PXDNL: variants seen among roughly 807,000 people sequenced by gnomAD.
PXDNL encodes peroxidasin like, also known as probable oxidoreductase PXDNL.
Under a neutral mutation model 150.8 loss-of-function variants are expected in PXDNL, and 145 were observed. The ratio of observed to expected loss-of-function variants is 0.96; its 90% confidence interval spans 0.84 to 1.10. The LOEUF is 1.10. Ranked by LOEUF, PXDNL falls within the 50% of genes least tolerant of loss-of-function variation. The pLI is 0.00. For synonymous variants in PXDNL, 757 were observed against 725.7 expected, an observed-to-expected ratio of 1.04 and a Z score of -0.69; for missense variants, 2,087 against 1,873.9, an observed-to-expected ratio of 1.11 and a Z score of -2.10.
At chr8:51,674,087 A>G (rs957759454) in intron 1 of PXDNL, among the ~76,000 whole-genome samples, 1 of 152,166 alleles carries the variant, frequency 6.6e-6, no homozygotes, top group Non-Finnish European at 1.5e-5. Context: ...ATGCCTTTTC[A>G]TCTCTTTAAT....
At chr8:51,575,974 A>G (rs1813042922) in intron 3 of PXDNL, among the ~76,000 whole-genome samples, 1 of 152,002 alleles carries the variant, frequency 6.6e-6, no homozygotes, top group Admixed American at 6.6e-5. Flanking sequence ...AAGAAGACAT[A>G]GAAATCTTAA....
rs1807248892 is a variant in PXDNL at position 51,374,746 on chromosome 8, G to A, written c.3558-15C>T. ...AGCCGTACAACCTGGAACAGAGACA[G>A]GCAGACAGCGCACACCTGAGACTGA... On this transcript the variant is annotated splice_polypyrimidine_tract_variant and intron_variant, in intron 17 of 22. Coordinates refer to ENST00000356297, the MANE Select transcript of PXDNL (RefSeq NM_144651.5). 1.2e-6 allele frequency: 2 copies of A among 1,613,106 alleles called. No individual in the cohort carries two copies. Among genetic ancestry groups the A allele is most frequent in the East Asian group, 2.2e-5 (1 of 44,852 alleles).
chr8:51,565,526 G>C (rs781646709), intron 3 of PXDNL, among the ~76,000 whole-genome samples: 1 of 151,230 alleles, frequency 6.6e-6, no homozygotes, highest in Non-Finnish European at 1.5e-5. Context: ...ATAATATGTC[G>C]TTTTTTACTA....
chr8:51,400,553 T>A (rs1301855072), intron 17 of PXDNL, among the ~76,000 whole-genome samples: 1 of 152,206 alleles, frequency 6.6e-6, no homozygotes, highest in Non-Finnish European at 1.5e-5. Flanking sequence ...GCTAGACAAA[T>A]AGAGCTGCAC....
At chr8:51,481,202 A>G (rs1810596827) in intron 6 of PXDNL, among the ~76,000 whole-genome samples, 1 of 152,200 alleles carries the variant, frequency 6.6e-6, no homozygotes, top group African/African-American at 2.4e-5. Context: ...AGTGACATGG[A>G]CAATAAAATT....
rs375596134 is a variant in PXDNL at position 51,409,511 on chromosome 8, T to G, written c.2113A>C (p.Asn705His). Residue 705 changes from asparagine (N) to histidine (H), a missense_variant, in exon 17 of 23, where the codon AAT (asparagine) becomes CAT (histidine). Asn to His is a moderately conservative substitution (Grantham distance 68). Coordinates refer to ENST00000356297, the MANE Select transcript of PXDNL (RefSeq NM_144651.5). ...VSPRSLSLIA[N>H]LSGCTARRPL... ...CTGCGAGCTGTGCATCCAGATAAAT[T>G]GGCGATGAGGCTGAGGGAGCGCGGG... The G allele has an allele frequency of 1.1e-5, 17 of 1,610,186 alleles. No homozygotes were observed. Among genetic ancestry groups the G allele is most frequent in the Non-Finnish European group, 1.4e-5 (16 of 1,178,810 alleles).
intron 1 of PXDNL, among the ~76,000 whole-genome samples, chr8:51,696,647 CCACACACATCCA>C (rs1816133490): frequency 1.2e-4 from 1 of 8,120 alleles, no homozygotes; most frequent in East Asian, 6.7e-3. Context: ...ATACGCACAT[CCACACACATCCA>C]CACACAGGTC....
At position 51,578,252 on chromosome 8, in the gene PXDNL, T is replaced by A. The variant is rs190382938; in HGVS notation, c.308+14375A>T. On this transcript the variant is annotated intron_variant, in intron 3 of 22. Transcript: ENST00000356297. Reference sequence around the variant, plus strand: ...TCAAAGAATCTACTCCCCAAAATAATCTTAGAATTTAAAAAGTGAGATCAG... The same window carrying A: ...TCAAAGAATCTACTCCCCAAAATAAACTTAGAATTTAAAAAGTGAGATCAG... Among the ~76,000 whole-genome samples the A allele has an allele frequency of 3.9e-3, 593 of 151,864 alleles. 3 individuals are homozygous for A. The highest frequency in any genetic ancestry group is 6.9e-3 in the Non-Finnish European group (468 of 67,822).
intron 1 of PXDNL, among the ~76,000 whole-genome samples, chr8:51,688,945 A>C (rs1815932000): frequency 6.6e-6 from 1 of 152,210 alleles, no homozygotes; most frequent in Non-Finnish European, 1.5e-5. Context: ...CTTGCTTTAC[A>C]TTGCTGTAAA....
intron 19 of PXDNL, among the ~76,000 whole-genome samples, chr8:51,361,024 G>A (rs545499114): frequency 1.7e-3 from 264 of 152,256 alleles, no homozygotes; most frequent in African/African-American, 5.9e-3. Flanking sequence ...AACTTCCTCC[G>A]ATGCCCAGAA....
chr8:51,323,691 A>T (rs1805392983), intron 21 of PXDNL, among the ~76,000 whole-genome samples: 1 of 152,002 alleles, frequency 6.6e-6, no homozygotes, highest in Non-Finnish European at 1.5e-5. Flanking sequence ...AGGCAGGGGG[A>T]TCACCTGAGG....
intron 1 of PXDNL, among the ~76,000 whole-genome samples, chr8:51,697,387 T>G (rs1357706359): frequency 5.9e-5 from 9 of 152,138 alleles, no homozygotes; most frequent in Non-Finnish European, 1.0e-4. Flanking sequence ...TTCAAAAGAT[T>G]CACTGGGTTT....
At chr8:51,578,696 G>C (rs1451422465) in intron 3 of PXDNL, among the ~76,000 whole-genome samples, 1 of 151,892 alleles carries the variant, frequency 6.6e-6, no homozygotes, top group Non-Finnish European at 1.5e-5. Flanking sequence ...GAAGGAAACT[G>C]TCTACCTGGC....
At chr8:51,365,986 A>G (rs1806905583) in intron 19 of PXDNL, among the ~76,000 whole-genome samples, 1 of 152,222 alleles carries the variant, frequency 6.6e-6, no homozygotes, top group Non-Finnish European at 1.5e-5. Context: ...CCCTGTGAAC[A>G]GTAGATTCCA....
Position 51,411,376 on chromosome 8 carries a change from G to A in PXDNL, c.1936C>T (p.Gln646Ter). ...KPHTSSDLLA[Q>*]FHYPRDPLIV... ...AGTGGGTCACGCGGGTAATGAAATT[G>A]AGCCAGCAGGTCACTGGAGGTGTGA... The change falls in exon 16 of 23, where the codon CAA (glutamine) becomes TAA (stop). Residue 646 changes from glutamine to a stop codon, truncating the protein, a stop_gained. Transcript: ENST00000356297. LOFTEE classifies it high-confidence loss of function. The A allele has an allele frequency of 6.4e-7, 1 of 1,573,840 alleles. No individual in the cohort carries two copies. Among genetic ancestry groups the A allele is most frequent in the East Asian group, 2.4e-5 (1 of 42,446 alleles).
chr8:51,440,703 C>T (rs1054065930), intron 12 of PXDNL, among the ~76,000 whole-genome samples: 11 of 152,172 alleles, frequency 7.2e-5, no homozygotes, highest in Non-Finnish European at 1.3e-4. Context: ...GGAAATTACA[C>T]ATTTGAGTCT....
At chr8:51,720,038 C>T (rs922618823) in intron 1 of PXDNL, among the ~76,000 whole-genome samples, 4 of 151,798 alleles carry the variant, frequency 2.6e-5, no homozygotes, top group Non-Finnish European at 4.4e-5. Flanking sequence ...GAAGCAGGGC[C>T]GGGACTAGGG....
chr8:51,502,686 C>G (rs1173064648), intron 4 of PXDNL, among the ~76,000 whole-genome samples: 1 of 150,844 alleles, frequency 6.6e-6, no homozygotes, highest in African/African-American at 2.4e-5. Context: ...TTCCTTTCAA[C>G]TTTTTAATGC....
At chr8:51,645,661 T>G (rs10958293) in intron 2 of PXDNL, among the ~76,000 whole-genome samples, 3 of 151,962 alleles carry the variant, frequency 2.0e-5, no homozygotes, top group African/African-American at 4.8e-5. Flanking sequence ...GAGATTAGAA[T>G]GACTTTAATA....
Sources: gnomAD v4.1 joint callset for allele counts (sites outside exome capture counted in the v4.1 genomes callset) on GRCh38, gnomAD v4.1.1 for gene constraint, MANE v1.5 for transcripts, NCBI Gene and HGNC (gene_info 2026-07-23, HGNC 2026-07-21) for gene names.